Variants in MID2 observed in about 807,000 individuals in gnomAD.
MID2 encodes the protein midline 2.
A neutral mutation model predicts 46.1 loss-of-function variants in MID2; 13 were observed. The observed-to-expected ratio is 0.28, with a 90% CI of 0.18 to 0.45. The LOEUF (loss-of-function observed/expected upper bound fraction) is 0.45. Ranked by LOEUF, MID2 falls within the 20% of genes least tolerant of loss-of-function variation. The pLI is 1.00. For missense variants in MID2, 431 were observed against 575.4 expected (o/e 0.75, Z 2.57); for synonymous variants, 199 against 212.3 (o/e 0.94, Z 0.55).
chrX:107,917,919 T>A (rs1323473439), intron 7 of MID2, among the ~76,000 whole-genome samples, 180 bp downstream of exon 7: 1 of 111,763 alleles, frequency 8.9e-6, no homozygotes, highest in East Asian at 2.8e-4. Context: ...CCTCAATTAA[T>A]CCATGTCACT....
intron 3 of MID2, among the ~76,000 whole-genome samples, chrX:107,902,853 G>A (rs897690106): frequency 9.0e-6 from 1 of 111,316 alleles, no homozygotes; most frequent in African/African-American, 3.3e-5. Context: ...CTGCTCGAGT[G>A]ATCCTTGAAT....
At chrX:107,887,450 A>G (rs1932481600) in intron 3 of MID2, among the ~76,000 whole-genome samples, 1 of 112,124 alleles carries the variant, frequency 8.9e-6, no homozygotes, top group South Asian at 3.7e-4. Flanking sequence ...ATGTTGAACC[A>G]GCCTTGCATC....
chrX:107,926,765 T>G lies in MID2; in HGVS notation c.1900T>G (p.Phe634Val). The G allele has an allele frequency of 8.3e-7, 1 of 1,211,356 alleles. No individual in the cohort carries two copies. Among genetic ancestry groups the G allele is most frequent in the Admixed American group, 2.2e-5 (1 of 46,009 alleles). Residue 634 changes from phenylalanine (F) to valine (V), a missense_variant, in exon 10 of 10, where the codon TTC (phenylalanine) becomes GTC (valine). Coordinates refer to ENST00000262843, the MANE Select transcript of MID2 (RefSeq NM_012216.4). ...SWVFSRCNSN[F>V]VVRHNNKEML... ...GGTCTTCTCTCGCTGCAATAGTAAC[T>G]TCGTGGTGAGACACAACAACAAGGA...
At chrX:107,885,592 G>A (rs1028123721) in intron 3 of MID2, among the ~76,000 whole-genome samples, 2 of 111,355 alleles carry the variant, frequency 1.8e-5, no homozygotes, top group Admixed American at 9.6e-5. Context: ...ACGTGTGCTC[G>A]TGTCTTTATA....
At chrX:107,894,408 G>A (rs1932671501) in intron 3 of MID2, among the ~76,000 whole-genome samples, 1 of 111,423 alleles carries the variant, frequency 9.0e-6, no homozygotes, top group Admixed American at 9.5e-5. Context: ...AGAATATGTG[G>A]TCTCCTAGAA....
chrX:107,915,879 T>G (rs764737744), intron 5 of MID2, 123 bp from the exon 6 acceptor site: 14 of 651,631 alleles, frequency 2.1e-5, no homozygotes, highest in Middle Eastern at 4.3e-4. Flanking sequence ...AGATATGATA[T>G]TTTCACTAAA....
rs761567068 is a variant in MID2, at chrX:107,841,067, C to G, written c.402C>G (p.Ser134Arg). The change falls in exon 2 of 10, where the codon AGC (serine) becomes AGG (arginine). Residue 134 changes from serine to arginine, a missense_variant. Ser to Arg is a moderately radical substitution (Grantham distance 110, BLOSUM62 -1). Coordinates refer to ENST00000262843, the MANE Select transcript of MID2 (RefSeq NM_012216.4). ...RTYRPTTAMS[S>R]ERIACQFCEQ... ...ACAGGCCCACCACTGCCATGTCTAG[C>G]GAGCGAATTGCTTGCCAATTCTGTG... is the stretch of plus-strand genomic sequence containing the variant. 2.5e-6 allele frequency: 3 copies of G among 1,209,458 alleles called. No homozygotes were observed. Among genetic ancestry groups the G allele is most frequent in the African/African-American group, 1.8e-5 (1 of 56,941 alleles).
chrX:107,854,296 C>T (rs1021683311), intron 2 of MID2, among the ~76,000 whole-genome samples: 2 of 111,342 alleles, frequency 1.8e-5, no homozygotes, highest in Admixed American at 9.6e-5. Context: ...ACTATGAGGG[C>T]GAAATGAGAT....
intron 2 of MID2, 71 bp downstream of exon 2, chrX:107,841,456 A>G (rs1931346043): frequency 1.2e-6 from 1 of 807,776 alleles, no homozygotes; most frequent in African/African-American, 2.1e-5. Context: ...CTCTAATAAA[A>G]TAGGTGACTT....
rs371650778 is a variant in MID2 at position 107,923,629 on chromosome X, C to T, written c.1436-714C>T. Among the ~76,000 whole-genome samples, 78 of 111,061 alleles carry T rather than the reference C, an allele frequency of 7.0e-4. 1 individual carries two copies. In the East Asian group the frequency reaches 7.4e-3, roughly 11 times the overall value. ...TCATGTCATCTCTTTGGCTTCCCTA[C>T]GGTACTGTGGAGACCGGCTAGTTTG... On this transcript the variant is annotated intron_variant, in intron 7 of 9. Transcript: ENST00000262843.
At position 107,926,933 on chromosome X, in the gene MID2, A is replaced by G; in HGVS notation, c.2068A>G (p.Thr690Ala). ...DVTFILPVCP[T>A]FTIWNKSLMI... ...GACCTTCATTCTTCCAGTTTGTCCAACATTTACAATCTGGAACAAATCCCT... is the reference window on the plus strand; with the variant it reads ...GACCTTCATTCTTCCAGTTTGTCCAGCATTTACAATCTGGAACAAATCCCT... The change falls in exon 10 of 10, where the codon ACA (threonine) becomes GCA (alanine). Residue 690 changes from threonine (T) to alanine (A), a missense_variant. Physicochemically the swap from Thr to Ala is moderately conservative, Grantham distance 58. Coordinates refer to ENST00000262843, the MANE Select transcript of MID2 (RefSeq NM_012216.4). The G allele has an allele frequency of 3.3e-6, 4 of 1,211,368 alleles. No individual in the cohort carries two copies. Among genetic ancestry groups the G allele is most frequent in the Non-Finnish European group, 4.5e-6 (4 of 895,191 alleles).
At chrX:107,849,341 G>C (rs188994907) in intron 2 of MID2, among the ~76,000 whole-genome samples, 2 of 111,536 alleles carry the variant, frequency 1.8e-5, no homozygotes, top group East Asian at 5.6e-4. Context: ...ATGACAAATG[G>C]AGATCATGGT....
intron 3 of MID2, among the ~76,000 whole-genome samples, chrX:107,857,621 T>TA (rs1405296436): frequency 1.8e-5 from 2 of 111,775 alleles, no homozygotes; most frequent in Admixed American, 1.9e-4. Context: ...CCAGGTTACT[T>TA]ATTATCCTCA....
chrX:107,870,167 T>C (rs1843509812), intron 3 of MID2, among the ~76,000 whole-genome samples: 1 of 111,920 alleles, frequency 8.9e-6, no homozygotes, highest in South Asian at 3.7e-4. Flanking sequence ...ATCATTCTTT[T>C]ATATTTGGAA....
At chrX:107,859,103 C>T (rs1200361460) in intron 3 of MID2, among the ~76,000 whole-genome samples, 3 of 111,606 alleles carry the variant, frequency 2.7e-5, no homozygotes, top group East Asian at 2.8e-4. Context: ...TCTTTCTGCT[C>T]GTATTGCCCA....
chrX:107,840,575 C>A lies in MID2; in HGVS notation c.5-95C>A, dbSNP rs955587213. 10 of 687,575 alleles carry A rather than the reference C, an allele frequency of 1.5e-5. No homozygotes were observed. In the Admixed American group the frequency reaches 2.1e-4, roughly 14 times the overall value. The allele number at this position is 687,575 out of a possible 1,213,427, so 56.7% of individuals were successfully genotyped here. Reference sequence around the variant, plus strand: ...ATTGCTTAAGCATCTCTGGGGAATCCAGCACGTAAACGCGCCCATTGGTTA... The same window carrying A: ...ATTGCTTAAGCATCTCTGGGGAATCAAGCACGTAAACGCGCCCATTGGTTA... On this transcript the variant is annotated intron_variant, in intron 1 of 9. Coordinates refer to ENST00000262843, the MANE Select transcript of MID2 (RefSeq NM_012216.4).
Position 107,854,611 on chromosome X carries a change from A to G in MID2, c.723A>G (p.Gln241=). ...ATTCATACCCTCTGCGATGACAGCA[A>G]ACTCTGGAGATGAACCTCACCAACC... ...SLNDRFEKLK[Q]TLEMNLTNLV... The change falls in exon 3 of 10, where the codon CAA becomes CAG. Residue 241 remains glutamine, a splice_region_variant and synonymous_variant. Coordinates refer to ENST00000262843, the MANE Select transcript of MID2 (RefSeq NM_012216.4). The G allele has an allele frequency of 2.5e-6, 3 of 1,206,743 alleles. No individual in the cohort carries two copies. Among genetic ancestry groups the G allele is most frequent in the Non-Finnish European group, 3.4e-6 (3 of 891,023 alleles).
intron 3 of MID2, among the ~76,000 whole-genome samples, chrX:107,894,354 A>C (rs1282394435): frequency 9.0e-6 from 1 of 111,589 alleles, no homozygotes; most frequent in Non-Finnish European, 1.9e-5. Flanking sequence ...CACCTAGGAA[A>C]GGCAACTTTT....
chrX:107,889,103 G>A (rs1223907707), intron 3 of MID2, among the ~76,000 whole-genome samples: 1 of 111,112 alleles, frequency 9.0e-6, no homozygotes, highest in Non-Finnish European at 1.9e-5. Flanking sequence ...TTTAATTGGA[G>A]CATTTAGCCC....
Sources: gnomAD v4.1 joint callset for allele counts (sites outside exome capture counted in the v4.1 genomes callset) on GRCh38, gnomAD v4.1.1 for gene constraint, MANE v1.5 for transcripts, NCBI Gene and HGNC (gene_info 2026-07-23, HGNC 2026-07-21) for gene names.